Variants in PLEKHA5 observed in about 807,000 individuals in gnomAD.
PLEKHA5 encodes the protein pleckstrin homology domain containing A5.
In PLEKHA5, 55 loss-of-function variants were observed where a neutral mutation model predicts 181.9. The observed-to-expected ratio is 0.30, with a 90% CI of 0.24 to 0.38. PLEKHA5 has a LOEUF of 0.38. Among genes scored for constraint, PLEKHA5 ranks in the 10% least tolerant of loss-of-function variants. PLEKHA5 has a pLI of 1.00. For synonymous variants in PLEKHA5, 535 were observed against 529.4 expected, an observed-to-expected ratio of 1.01 and a Z score of -0.15; for missense variants, 1,432 against 1,549.5, an observed-to-expected ratio of 0.92 and a Z score of 1.27.
intron 15 of PLEKHA5, chr12:19,307,124 A>G (rs777033759): frequency 1.1e-6 from 1 of 872,388 alleles, no homozygotes; most frequent in Non-Finnish European, 1.9e-6. Context: ...AAGTTGAAGC[A>G]TGTAGCTGCT....
At chr12:19,335,682 C>T (rs2093369440) in intron 20 of PLEKHA5, among the ~76,000 whole-genome samples, 1 of 149,362 alleles carries the variant, frequency 6.7e-6, no homozygotes, top group African/African-American at 2.5e-5. Context: ...CCTGCCTCAG[C>T]CTCCTGAGGC....
At position 19,261,108 on chromosome 12, in the gene PLEKHA5, ACT is replaced by A. The variant is rs916043501; in HGVS notation, c.610+90_610+91del. On this transcript the variant is annotated intron_variant, in intron 7 of 31. Transcript: ENST00000429027. ...ATCAGATACTTTAAAAAGTATTGTA[ACT>A]CTGTGTGCTATTTTATTATCAACAA... The A allele has an allele frequency of 6.2e-6, 4 of 645,102 alleles. No homozygotes were observed. In the African/African-American group the frequency reaches 7.3e-5, roughly 12 times the overall value. 40.0% of individuals were successfully genotyped at this position (645,102 alleles called of 1,614,324 possible).
intron 3 of PLEKHA5, among the ~76,000 whole-genome samples, chr12:19,185,599 T>C (rs561578551): frequency 2.2e-4 from 34 of 152,352 alleles, no homozygotes; most frequent in South Asian, 1.9e-3. Flanking sequence ...CATTCCTGAA[T>C]CTACTCCTGA....
At chr12:19,259,056 C>A (rs1054919294) in intron 6 of PLEKHA5, among the ~76,000 whole-genome samples, 1 of 151,992 alleles carries the variant, frequency 6.6e-6, no homozygotes, top group African/African-American at 2.4e-5. Flanking sequence ...AGTAGCTTCT[C>A]TAACAAGTGT....
intron 3 of PLEKHA5, among the ~76,000 whole-genome samples, chr12:19,194,268 G>A (rs987183728): frequency 1.3e-5 from 2 of 152,154 alleles, no homozygotes; most frequent in Non-Finnish European, 2.9e-5. Context: ...TGCTGCGAAA[G>A]AAATGATTTT....
intron 3 of PLEKHA5, among the ~76,000 whole-genome samples, chr12:19,169,611 T>C (rs1490973130): frequency 6.6e-6 from 1 of 152,190 alleles, no homozygotes; most frequent in Non-Finnish European, 1.5e-5. Flanking sequence ...TTAAACAAAA[T>C]AGATAAATTC....
intron 3 of PLEKHA5, among the ~76,000 whole-genome samples, chr12:19,148,717 C>T (rs1192320448): frequency 6.6e-6 from 1 of 152,212 alleles, no homozygotes; most frequent in African/African-American, 2.4e-5. Context: ...AAAAGAAATT[C>T]TTTTGAGAAT....
At chr12:19,255,335 T>C (rs1041407719) in intron 5 of PLEKHA5, among the ~76,000 whole-genome samples, 170 bp downstream of exon 5, 3 of 152,140 alleles carry the variant, frequency 2.0e-5, no homozygotes, top group African/African-American at 7.2e-5. Context: ...AATAAGATTG[T>C]AATTCAGTGA....
chr12:19,210,327 T>C (rs7965924), intron 3 of PLEKHA5, among the ~76,000 whole-genome samples: 135,738 of 152,240 alleles, frequency 0.89, 61,290 homozygotes, highest in Non-Finnish European at 0.97. Context: ...AAGTATAAGT[T>C]CAAAATCTAC....
chr12:19,227,013 T>G (rs1010225721), intron 3 of PLEKHA5, among the ~76,000 whole-genome samples: 5 of 152,166 alleles, frequency 3.3e-5, no homozygotes, highest in African/African-American at 1.2e-4. Flanking sequence ...ATCCTTCCAG[T>G]TCCCAGTTCC....
At chr12:19,240,042 A>G (rs957384154) in intron 3 of PLEKHA5, among the ~76,000 whole-genome samples, 1 of 152,252 alleles carries the variant, frequency 6.6e-6, no homozygotes, top group African/African-American at 2.4e-5. Context: ...ATCTTTTTGT[A>G]TCATAGGAAT....
chr12:19,152,685 A>G (rs1185480225), intron 3 of PLEKHA5: 1 of 152,232 alleles, frequency 6.6e-6, no homozygotes, highest in Non-Finnish European at 1.5e-5. Flanking sequence ...TGCCAAATGA[A>G]TATAACATTT....
intron 11 of PLEKHA5, among the ~76,000 whole-genome samples, chr12:19,277,448 C>T (rs1196909795): frequency 1.3e-5 from 2 of 152,128 alleles, no homozygotes; most frequent in African/African-American, 4.8e-5. Context: ...GTGACTTCTT[C>T]CTTTTGGACA....
In PLEKHA5 at chr12:19,306,008, A is replaced by T. The variant is rs529999678; in HGVS notation, c.2038-8806A>T. 1.1e-3 allele frequency among the ~76,000 whole-genome samples: 174 copies of T among 152,130 alleles called. 2 individuals carry two copies. The South Asian group carries it at 0.035, about 30-fold the overall frequency. On this transcript the variant is annotated intron_variant, in intron 15 of 31. Transcript: ENST00000429027. The stretch of plus-strand genomic sequence containing the variant: ...AGCAGGAGAATCGCTTGAACCCAGG[A>T]GGCAGAGGTTGCAGTGAGCTGAGAT...
At chr12:19,181,436 T>C (rs1314700699) in intron 3 of PLEKHA5, among the ~76,000 whole-genome samples, 2 of 152,220 alleles carry the variant, frequency 1.3e-5, no homozygotes, top group South Asian at 2.1e-4. Flanking sequence ...AAGGTGATGC[T>C]GAAAAAACAT....
chr12:19,348,159 A>T (rs1272162877), intron 24 of PLEKHA5, among the ~76,000 whole-genome samples: 3 of 152,168 alleles, frequency 2.0e-5, no homozygotes, highest in African/African-American at 7.2e-5. Context: ...CTGAGATTAC[A>T]GGTGTGAGCC....
At chr12:19,215,328 G>A (rs529178334) in intron 3 of PLEKHA5, among the ~76,000 whole-genome samples, 1 of 152,186 alleles carries the variant, frequency 6.6e-6, no homozygotes, top group Admixed American at 6.5e-5. Flanking sequence ...AATATGTTAT[G>A]AGTTATAAAT....
intron 3 of PLEKHA5, among the ~76,000 whole-genome samples, chr12:19,183,717 CTTT>C (rs2049144221): frequency 1.3e-5 from 2 of 151,928 alleles, no homozygotes; most frequent in Admixed American, 1.3e-4. Flanking sequence ...TATTTTCTTT[CTTT>C]TTTTATTTTT....
intron 13 of PLEKHA5, among the ~76,000 whole-genome samples, chr12:19,288,623 T>C (rs2077742851): frequency 6.6e-6 from 1 of 152,236 alleles, no homozygotes; most frequent in Non-Finnish European, 1.5e-5. Context: ...TATTTTATCT[T>C]TTACACATTT....
Sources: allele counts gnomAD v4.1 joint callset (sites outside exome capture counted in the v4.1 genomes callset), GRCh38; gene constraint gnomAD v4.1.1; transcripts MANE v1.5; gene names NCBI Gene and HGNC (gene_info 2026-07-23, HGNC 2026-07-21).